The following SAP30BP variants were observed in gnomAD, a reference collection of about 807,000 sequenced individuals.
SAP30BP encodes the protein SAP30-binding protein.
Under a neutral mutation model 46.3 loss-of-function variants are expected in SAP30BP, and 31 were observed. That is an observed-to-expected ratio of 0.67 (90% CI 0.50 to 0.90). The LOEUF (loss-of-function observed/expected upper bound fraction) is 0.90, where lower values mean the gene tolerates loss of function less well. Ranked by LOEUF, SAP30BP falls within the 40% of genes least tolerant of loss-of-function variation. The probability of loss-of-function intolerance (pLI) is 0.00; values close to 1 mark genes in which losing one functional copy is unlikely to be tolerated. For missense variants in SAP30BP, 312 were observed against 391.0 expected, an observed-to-expected ratio of 0.80 and a Z score of 1.70; for synonymous variants, 169 against 144.2, an observed-to-expected ratio of 1.17 and a Z score of -1.23.
chr17:75,696,927 A>G (rs983925867), intron 4 of SAP30BP, among the ~76,000 whole-genome samples: 12 of 151,824 alleles, frequency 7.9e-5, no homozygotes, highest in East Asian at 5.8e-4. Flanking sequence ...ACAGGCGCCC[A>G]CCACCACACT....
intron 3 of SAP30BP, among the ~76,000 whole-genome samples, chr17:75,685,913 C>A (rs2060149498): frequency 6.7e-6 from 1 of 149,440 alleles, no homozygotes. Flanking sequence ...CTGTAACTTT[C>A]AAGAAACCAA....
chr17:75,672,209 A>G (rs1472468132), intron 3 of SAP30BP: 1 of 289,334 alleles, frequency 3.5e-6, no homozygotes, highest in Admixed American at 4.3e-5. Context: ...TAGACCCAGG[A>G]AGGTGTAAGG....
intron 4 of SAP30BP, among the ~76,000 whole-genome samples, chr17:75,697,585 C>T (rs958721606): frequency 1.3e-5 from 2 of 152,228 alleles, no homozygotes; most frequent in Non-Finnish European, 2.9e-5. Context: ...TCTCTGTCCT[C>T]TTGCCGTCAC....
intron 3 of SAP30BP, among the ~76,000 whole-genome samples, chr17:75,674,707 T>TTTG (rs1568300450): frequency 5.0e-5 from 6 of 121,180 alleles, no homozygotes; most frequent in African/African-American, 1.9e-4. Context: ...GTTTTTTTTT[T>TTTG]TTTTTTTTTT....
In SAP30BP at chr17:75,681,953, C is replaced by A. The variant is rs562459189; in HGVS notation, c.264+10090C>A. ...GGTTGTTTGTGTGCCTTTGTTGATG[C>A]GCTGCTGGCGAGCCCTGACAACTGA... On this transcript the variant is annotated intron_variant, in intron 3 of 10. Coordinates refer to ENST00000584667, the MANE Select transcript of SAP30BP (RefSeq NM_013260.8). 1.3e-4 allele frequency among the ~76,000 whole-genome samples: 20 copies of A among 152,092 alleles called. 1 individual carries two copies. The South Asian group carries it at 3.9e-3, about 30-fold the overall frequency.
chr17:75,688,125 T>G (rs2060189345), intron 3 of SAP30BP, among the ~76,000 whole-genome samples: 1 of 152,148 alleles, frequency 6.6e-6, no homozygotes, highest in African/African-American at 2.4e-5. Context: ...TACACGGGGC[T>G]TTCTAGGCAG....
chr17:75,686,460 G>A (rs1333947637), intron 3 of SAP30BP, among the ~76,000 whole-genome samples: 1 of 151,912 alleles, frequency 6.6e-6, no homozygotes, highest in Non-Finnish European at 1.5e-5. Context: ...AGCTTGCAGT[G>A]AGCCGAGATT....
intron 3 of SAP30BP, chr17:75,691,704 G>C (rs2060245493): frequency 5.9e-6 from 2 of 340,040 alleles, no homozygotes; most frequent in Admixed American, 8.3e-5. Flanking sequence ...GTGGGGGCTG[G>C]AGGGAGAGTT....
intron 3 of SAP30BP, among the ~76,000 whole-genome samples, chr17:75,676,712 A>G (rs754062892): frequency 7.2e-5 from 11 of 152,254 alleles, no homozygotes; most frequent in Non-Finnish European, 1.5e-4. Context: ...GGTCAGCTGC[A>G]GTCTGAATAT....
intron 7 of SAP30BP, 70 bp from the exon 8 acceptor site, chr17:75,703,734 ATGGG>A: frequency 1.5e-6 from 2 of 1,339,226 alleles, no homozygotes; most frequent in Non-Finnish European, 2.2e-6. Flanking sequence ...AAGAAGCTCT[ATGGG>A]AAGACTTGGG....
intron 3 of SAP30BP, 159 bp from the exon 4 acceptor site, chr17:75,693,281 C>T: frequency 1.7e-6 from 1 of 605,998 alleles, no homozygotes; most frequent in Non-Finnish European, 3.0e-6. Context: ...TTCGGAGGCT[C>T]GGGGGTGCCA....
intron 5 of SAP30BP, among the ~76,000 whole-genome samples, chr17:75,700,975 G>C (rs2060401382): frequency 6.6e-6 from 1 of 152,032 alleles, no homozygotes; most frequent in Admixed American, 6.5e-5. Context: ...TATGACATGG[G>C]TTCTCCTCAA....
chr17:75,706,067 T>G lies in SAP30BP; in HGVS notation c.720T>G (p.Thr240=). The change falls in exon 10 of 11, where the codon ACT becomes ACG. Residue 240 remains threonine (T), a synonymous_variant. Coordinates refer to ENST00000584667, the MANE Select transcript of SAP30BP (RefSeq NM_013260.8). This position sits in a 1 kb window ranked among gnomAD's most constrained non-coding sequence, Gnocchi z 4.6. ...GTTTNATSTT[T]TTASTAVADA... ...CGACCAACGCCACGTCCACCACCAC[T>G]ACCACTGCCAGCACAGCTGTTGCAG... 1 of 1,613,056 alleles carries G rather than the reference T, an allele frequency of 6.2e-7. No individual in the cohort carries two copies. The highest frequency in any genetic ancestry group is 8.5e-7 in the Non-Finnish European group (1 of 1,179,480).
At chr17:75,691,070 G>A (rs1207935426) in intron 3 of SAP30BP, among the ~76,000 whole-genome samples, 1 of 152,184 alleles carries the variant, frequency 6.6e-6, no homozygotes, top group East Asian at 1.9e-4. Context: ...ACTGAGGGTG[G>A]GAAGGCTCAT....
intron 3 of SAP30BP, among the ~76,000 whole-genome samples, chr17:75,674,686 G>A (rs9916452): frequency 1.2e-4 from 7 of 57,016 alleles, no homozygotes; most frequent in African/African-American, 2.0e-4. Context: ...AAGTTTTTTT[G>A]TTTGTTTTTT....
chr17:75,692,122 C>A, intron 3 of SAP30BP: 1 of 646,922 alleles, frequency 1.5e-6, no homozygotes, highest in Non-Finnish European at 1.9e-6. Context: ...ACGTGGTGCC[C>A]TGCCAGGTTG....
At position 75,706,054 on chromosome 17, in the gene SAP30BP, C is replaced by T. The variant is rs775256314; in HGVS notation, c.707C>T (p.Thr236Met). 3.1e-6 allele frequency: 5 copies of T among 1,613,618 alleles called. No homozygotes were observed. Among genetic ancestry groups the T allele is most frequent in the African/African-American group, 1.3e-5 (1 of 75,048 alleles). Reference protein sequence around the residue: ...GTKKGTTTNATSTTTTTASTA... With the variant: ...GTKKGTTTNAMSTTTTTASTA... ...AAAAAAGGCACCACGACCAACGCCA[C>T]GTCCACCACCACTACCACTGCCAGC... is the stretch of plus-strand genomic sequence containing the variant. Residue 236 changes from threonine (T) to methionine (M), a missense_variant, in exon 10 of 11, where the codon ACG (threonine) becomes ATG (methionine). Around this residue, in one of 2 missense-constraint regions of SAP30BP, gnomAD observed 296 missense variants for 346.6 expected, o/e 0.85. Transcript: ENST00000584667. This position sits in a 1 kb window ranked among gnomAD's most constrained non-coding sequence, Gnocchi z 4.6.
intron 5 of SAP30BP, among the ~76,000 whole-genome samples, chr17:75,700,670 C>T (rs953540520): frequency 1.3e-5 from 2 of 152,196 alleles, no homozygotes; most frequent in Non-Finnish European, 2.9e-5. Context: ...GGGTGCAGCA[C>T]AGATTCCCTT....
At chr17:75,671,951 TC>T in intron 3 of SAP30BP, 88 bp downstream of exon 3, 1 of 1,061,860 alleles carries the variant, frequency 9.4e-7, no homozygotes, top group Non-Finnish European at 1.5e-6. Flanking sequence ...TCAAGATCTG[TC>T]CCACTGACAA....
Sources: gnomAD v4.1 joint callset for allele counts (sites outside exome capture counted in the v4.1 genomes callset) on GRCh38, gnomAD v4.1.1 for gene constraint, gnomAD v4.1.1 regional missense constraint, Gnocchi (gnomAD v3.1) non-coding constraint, MANE v1.5 for transcripts, NCBI Gene and HGNC (gene_info 2026-07-23, HGNC 2026-07-21) for gene names.